Variants in LGR6 observed in about 807,000 individuals in gnomAD.
LGR6 encodes leucine-rich repeat-containing G protein-coupled receptor 6.
Under a neutral mutation model 69.4 loss-of-function variants are expected in LGR6, and 45 were observed. The observed-to-expected ratio is 0.65, with a 90% CI of 0.51 to 0.83. LGR6 has a LOEUF of 0.83. Among genes scored for constraint, LGR6 ranks in the 40% least tolerant of loss-of-function variants. The pLI, the probability that LGR6 is intolerant of heterozygous loss-of-function variation, is 0.00. For missense variants in LGR6, 1,108 were observed against 1,246.7 expected (o/e 0.89, Z 1.68); for synonymous variants, 538 against 555.0 (o/e 0.97, Z 0.43).
At chr1:202,206,238 G>A (rs977724472) in intron 1 of LGR6, among the ~76,000 whole-genome samples, 3 of 152,230 alleles carry the variant, frequency 2.0e-5, no homozygotes, top group Non-Finnish European at 4.4e-5. Context: ...GGGAGGAGAC[G>A]AGAAAGGAAG....
At chr1:202,214,210 C>A (rs772005735) in intron 1 of LGR6, 2 of 1,542,446 alleles carry the variant, frequency 1.3e-6, no homozygotes, top group Non-Finnish European at 1.7e-6. Context: ...CTCTCCCGGG[C>A]TGGGAGTGCA....
chr1:202,268,708 C>T lies in LGR6; in HGVS notation c.429-7598C>T, dbSNP rs1664870758. On this transcript the variant is annotated intron_variant, in intron 4 of 17. Transcript: ENST00000367278. This position sits in a 1 kb window ranked among gnomAD's most constrained non-coding sequence, Gnocchi z 4.4. ...AACTGTCTTTGTCCTCAAGGTATCT[C>T]ACCTCCCAGCCTCTTTCTTCCTCTC... Among the ~76,000 whole-genome samples the T allele has an allele frequency of 6.6e-6, 1 of 152,196 alleles. No individual in the cohort carries two copies. The highest frequency in any genetic ancestry group is 6.5e-5 in the Admixed American group (1 of 15,286).
rs868699236 is a variant in LGR6, at chr1:202,236,008, G to A, written c.428+15G>A. The A allele has an allele frequency of 4.3e-6, 7 of 1,611,188 alleles. No individual in the cohort carries two copies. Among genetic ancestry groups the A allele is most frequent in the Middle Eastern group, 3.3e-4 (2 of 6,054 alleles). On this transcript the variant is annotated intron_variant, in intron 4 of 17. Coordinates refer to ENST00000367278, the MANE Select transcript of LGR6 (RefSeq NM_001017403.2). Reference sequence around the variant, plus strand: ...CTGCAGTCGCTGTGAGTCATTAGAGGGCTGGTCTGGGAGTCACCAGCTTCC... The same window carrying A: ...CTGCAGTCGCTGTGAGTCATTAGAGAGCTGGTCTGGGAGTCACCAGCTTCC...
chr1:202,249,438 G>A (rs1663042294), intron 4 of LGR6, among the ~76,000 whole-genome samples: 2 of 152,132 alleles, frequency 1.3e-5, no homozygotes, highest in African/African-American at 4.8e-5. Context: ...TTCTCCCTGG[G>A]AGGTTTCTCA....
At chr1:202,299,296 A>T (rs1185653389) in intron 7 of LGR6, among the ~76,000 whole-genome samples, 2 of 150,816 alleles carry the variant, frequency 1.3e-5, no homozygotes, top group Non-Finnish European at 2.9e-5. Flanking sequence ...GTGAGAAACT[A>T]TTGGAATTTC....
chr1:202,210,586 G>A (rs1030102988), intron 1 of LGR6: 2 of 152,392 alleles, frequency 1.3e-5, no homozygotes, highest in South Asian at 2.1e-4. Flanking sequence ...CGGCTGCGGT[G>A]AGGATGGAGC....
intron 4 of LGR6, among the ~76,000 whole-genome samples, chr1:202,252,156 C>T (rs1663314854): frequency 1.3e-5 from 2 of 152,110 alleles, no homozygotes; most frequent in Non-Finnish European, 2.9e-5. Context: ...CCTGTTTTCA[C>T]CTTTGTGTCC....
chr1:202,270,921 G>C (rs191070864), intron 4 of LGR6, among the ~76,000 whole-genome samples: 1 of 152,120 alleles, frequency 6.6e-6, no homozygotes, highest in African/African-American at 2.4e-5. Flanking sequence ...CTTAGCTGGG[G>C]GAGTATGAGA....
intron 17 of LGR6, 121 bp downstream of exon 17, chr1:202,315,003 C>A: frequency 1.4e-6 from 1 of 710,036 alleles, no homozygotes; most frequent in Non-Finnish European, 2.5e-6. Flanking sequence ...GACTCCCAGC[C>A]TGCTGCAAGA....
chr1:202,229,328 G>A (rs1357016085), intron 3 of LGR6, among the ~76,000 whole-genome samples: 1 of 152,010 alleles, frequency 6.6e-6, no homozygotes, highest in African/African-American at 2.4e-5. Flanking sequence ...ACTATTCCCT[G>A]CCTCTCAGTT....
intron 4 of LGR6, among the ~76,000 whole-genome samples, chr1:202,241,668 T>A (rs1165479317): frequency 9.2e-6 from 1 of 109,216 alleles, no homozygotes; most frequent in Non-Finnish European, 1.9e-5. Context: ...TGGGTGGGGG[T>A]GAGGCAGGGC....
rs777592431 is a variant in LGR6 at position 202,227,904 on chromosome 1, C to T, written c.285-32C>T. On this transcript the variant is annotated intron_variant, in intron 2 of 17. Transcript: ENST00000367278. ...GTCACCACCTCCTTGGGTTACCTGC[C>T]AACATCGCTGACCCTTGTCTCTGAT... 37 of 1,556,574 alleles carry T rather than the reference C, an allele frequency of 2.4e-5. No homozygotes were observed. The Middle Eastern group carries it at 6.7e-4, about 28-fold the overall frequency.
At chr1:202,234,383 T>C (rs1217451660) in intron 3 of LGR6, among the ~76,000 whole-genome samples, 2 of 152,230 alleles carry the variant, frequency 1.3e-5, no homozygotes, top group Admixed American at 1.3e-4. Context: ...TTTGTTCTTG[T>C]GATGCTGAGG....
rs1558074911 is a variant in LGR6 at position 202,300,920 on chromosome 1, T to C, written c.857T>C (p.Ile286Thr). Residue 286 changes from isoleucine to threonine, a missense_variant and splice_region_variant, in exon 8 of 18, where the codon ATA becomes ACA. Coordinates refer to ENST00000367278, the MANE Select transcript of LGR6 (RefSeq NM_001017403.2). The stretch of plus-strand genomic sequence containing the variant: ...ATGGGGAACCCTCTGCTACAGACGA[T>C]GTGAGTACTACTTTCTCTGGTCTCT... ...AFMGNPLLQT[I>T]HFYDNPIQFV... 1.9e-6 allele frequency: 3 copies of C among 1,609,430 alleles called. No individual in the cohort carries two copies. Among genetic ancestry groups the C allele is most frequent in the South Asian group, 2.2e-5 (2 of 90,538 alleles).
At chr1:202,260,911 C>T (rs1664180167) in intron 4 of LGR6, among the ~76,000 whole-genome samples, 1 of 152,060 alleles carries the variant, frequency 6.6e-6, no homozygotes, top group East Asian at 1.9e-4. Flanking sequence ...TTTATTCTTT[C>T]AAGGAGAGCA....
intron 8 of LGR6, 49 bp downstream of exon 8, chr1:202,300,969 A>T: frequency 6.6e-7 from 1 of 1,508,470 alleles, no homozygotes; most frequent in Non-Finnish European, 9.2e-7. Flanking sequence ...TGTTTCAGGG[A>T]GGAGGACAGA....
chr1:202,293,118 G>A (rs1666909388), intron 6 of LGR6, among the ~76,000 whole-genome samples: 1 of 151,166 alleles, frequency 6.6e-6, no homozygotes, highest in Admixed American at 6.6e-5. Context: ...CACAGACAGT[G>A]CTCAACCAAT....
intron 4 of LGR6, among the ~76,000 whole-genome samples, chr1:202,271,244 C>T (rs1047888759): frequency 2.0e-5 from 3 of 152,142 alleles, no homozygotes; most frequent in Admixed American, 2.0e-4. Context: ...CTGCTGGCGG[C>T]TCGGAGACTC....
chr1:202,196,333 G>T (rs1453185520), intron 1 of LGR6, among the ~76,000 whole-genome samples: 2 of 152,236 alleles, frequency 1.3e-5, no homozygotes, highest in East Asian at 3.9e-4. Flanking sequence ...TACCAGAAAG[G>T]CACCTGAAGG....
Sources: gnomAD v4.1 joint callset for allele counts (sites outside exome capture counted in the v4.1 genomes callset) on GRCh38, gnomAD v4.1.1 for gene constraint, Gnocchi (gnomAD v3.1) non-coding constraint, MANE v1.5 for transcripts, NCBI Gene and HGNC (gene_info 2026-07-23, HGNC 2026-07-21) for gene names.